Variants in OPCML observed in about 807,000 individuals in gnomAD.
The protein encoded by OPCML is opioid binding protein/cell adhesion molecule like, also known as opioid-binding protein/cell adhesion molecule.
Under a neutral mutation model 37.8 loss-of-function variants are expected in OPCML, and 13 were observed. The observed-to-expected ratio is 0.34, with a 90% confidence interval of 0.22 to 0.55. The LOEUF is 0.55. Among genes scored for constraint, OPCML ranks in the 20% least tolerant of loss-of-function variants. The probability of loss-of-function intolerance (pLI) is 0.91; values close to 1 mark genes in which losing one functional copy is unlikely to be tolerated. For missense variants in OPCML, 341 were observed against 435.6 expected, an observed-to-expected ratio of 0.78 and a Z score of 1.93; for synonymous variants, 176 against 168.8, an observed-to-expected ratio of 1.04 and a Z score of -0.33.
At chr11:133,362,431 G>T (rs964715327) in intron 1 of OPCML, among the ~76,000 whole-genome samples, 2 of 152,170 alleles carry the variant, frequency 1.3e-5, no homozygotes, top group African/African-American at 4.8e-5. Context: ...AGGACCAGGA[G>T]CCCATCCACC....
chr11:133,406,832 G>A (rs964617523), intron 1 of OPCML, among the ~76,000 whole-genome samples: 3 of 152,208 alleles, frequency 2.0e-5, no homozygotes, highest in African/African-American at 7.2e-5. Context: ...CTCAGGAGTG[G>A]TGGAAACACA....
At chr11:132,510,017 G>T (rs1430988573) in intron 4 of OPCML, among the ~76,000 whole-genome samples, 1 of 152,190 alleles carries the variant, frequency 6.6e-6, no homozygotes, top group Non-Finnish European at 1.5e-5. Flanking sequence ...GCTGTACCCT[G>T]TAAACCCACA....
At chr11:132,623,840 C>T (rs1421383368) in intron 3 of OPCML, among the ~76,000 whole-genome samples, 1 of 152,196 alleles carries the variant, frequency 6.6e-6, no homozygotes, top group Non-Finnish European at 1.5e-5. Context: ...GAATAGTCTC[C>T]ACTTTCACTG....
At chr11:132,941,253 T>C (rs1187102429) in intron 2 of OPCML, among the ~76,000 whole-genome samples, 3 of 152,170 alleles carry the variant, frequency 2.0e-5, no homozygotes, top group South Asian at 2.1e-4. Context: ...GGAATAGTCT[T>C]ACTGCATCTC....
At chr11:132,566,073 G>A (rs144668105) in intron 3 of OPCML, among the ~76,000 whole-genome samples, 1 of 152,306 alleles carries the variant, frequency 6.6e-6, no homozygotes, top group Non-Finnish European at 1.5e-5. Context: ...ATTTGGCTCT[G>A]TCTGATTAAC....
chr11:133,454,975 C>G (rs1423916643), intron 1 of OPCML, among the ~76,000 whole-genome samples: 1 of 151,968 alleles, frequency 6.6e-6, no homozygotes, highest in Admixed American at 6.6e-5. Flanking sequence ...TGGGATTCAC[C>G]TTTTTTTTCC....
intron 2 of OPCML, among the ~76,000 whole-genome samples, chr11:132,784,808 C>A (rs981338792): frequency 2.3e-4 from 35 of 152,112 alleles, no homozygotes; most frequent in Non-Finnish European, 1.3e-4. Context: ...ATGTAATATA[C>A]CTGCTCCTCC....
At chr11:133,188,117 ATTAACAAATAGT>A (rs1221314599) in intron 1 of OPCML, among the ~76,000 whole-genome samples, 1 of 152,236 alleles carries the variant, frequency 6.6e-6, no homozygotes, top group Non-Finnish European at 1.5e-5. Flanking sequence ...AATGACATCA[ATTAACAAATAGT>A]TTTATTTCTG....
At chr11:132,739,807 A>T (rs1363350664) in intron 2 of OPCML, among the ~76,000 whole-genome samples, 1 of 152,224 alleles carries the variant, frequency 6.6e-6, no homozygotes, top group Admixed American at 6.5e-5. Flanking sequence ...AATCATAATT[A>T]AATATGCACT....
intron 1 of OPCML, among the ~76,000 whole-genome samples, chr11:132,989,130 C>A (rs1019844790): frequency 6.6e-6 from 1 of 152,176 alleles, no homozygotes; most frequent in Non-Finnish European, 1.5e-5. Context: ...GCAACACCTT[C>A]CATATTTAAA....
intron 1 of OPCML, among the ~76,000 whole-genome samples, chr11:133,272,200 T>C (rs1446783136): frequency 7.0e-6 from 1 of 143,486 alleles, no homozygotes; most frequent in Non-Finnish European, 1.5e-5. Context: ...GGGTTAGTAA[T>C]AAATTGAAAG....
intron 4 of OPCML, among the ~76,000 whole-genome samples, chr11:132,470,908 C>T (rs938844659): frequency 1.3e-5 from 2 of 152,006 alleles, no homozygotes; most frequent in Admixed American, 6.6e-5. Flanking sequence ...GAAGAAAAGG[C>T]GTTCTAGGAC....
At chr11:132,596,744 C>A (rs2137744707) in intron 3 of OPCML, among the ~76,000 whole-genome samples, 1 of 152,316 alleles carries the variant, frequency 6.6e-6, no homozygotes, top group South Asian at 2.1e-4. Flanking sequence ...AGCACCATAT[C>A]TATCTTTCCC....
chr11:133,523,880 T>C (rs1402410777), intron 1 of OPCML, among the ~76,000 whole-genome samples: 1 of 152,212 alleles, frequency 6.6e-6, no homozygotes, highest in Non-Finnish European at 1.5e-5. Context: ...ATTGTCACTT[T>C]CATAACCAAG....
intron 1 of OPCML, among the ~76,000 whole-genome samples, chr11:133,137,480 T>C (rs1266393109): frequency 6.6e-6 from 1 of 152,186 alleles, no homozygotes; most frequent in East Asian, 1.9e-4. Flanking sequence ...GACTGACTCA[T>C]AGCACAGAAG....
chr11:133,437,342 T>C (rs1166798555), intron 1 of OPCML, among the ~76,000 whole-genome samples: 1 of 152,150 alleles, frequency 6.6e-6, no homozygotes, highest in Non-Finnish European at 1.5e-5. Context: ...AGCTATTTCC[T>C]CCACTTTCTC....
intron 2 of OPCML, among the ~76,000 whole-genome samples, chr11:132,680,912 C>T (rs528768082): frequency 6.6e-6 from 1 of 152,316 alleles, no homozygotes; most frequent in East Asian, 1.9e-4. Flanking sequence ...GCTCCAAACC[C>T]ATGGCATCTT....
chr11:133,306,897 A>G (rs1942933191), intron 1 of OPCML, among the ~76,000 whole-genome samples: 1 of 152,228 alleles, frequency 6.6e-6, no homozygotes, highest in African/African-American at 2.4e-5. Context: ...ACAGCTGGCC[A>G]TGTAATAGGT....
chr11:133,453,840 T>A (rs1467655379), intron 1 of OPCML, among the ~76,000 whole-genome samples: 1 of 152,178 alleles, frequency 6.6e-6, no homozygotes, highest in Non-Finnish European at 1.5e-5. Flanking sequence ...GCAAAATAAA[T>A]ATGAATGTTT....
Sources: allele counts gnomAD v4.1 joint callset (sites outside exome capture counted in the v4.1 genomes callset), GRCh38; gene constraint gnomAD v4.1.1; transcripts MANE v1.5; gene names NCBI Gene and HGNC (gene_info 2026-07-23, HGNC 2026-07-21).